Variants in CCP110 observed in about 807,000 individuals in gnomAD.
The protein encoded by CCP110 is centriolar coiled-coil protein of 110 kDa.
A neutral mutation model predicts 105.5 loss-of-function variants in CCP110; 43 were observed. The observed-to-expected ratio is 0.41, with a 90% CI of 0.32 to 0.53. The LOEUF is 0.53. Among genes scored for constraint, CCP110 ranks in the 20% least tolerant of loss-of-function variants. The probability of loss-of-function intolerance (pLI) is 0.32; values close to 1 mark genes in which losing one functional copy is unlikely to be tolerated. For missense variants in CCP110, 1,016 were observed against 1,189.1 expected, an observed-to-expected ratio of 0.85 and a Z score of 2.14; for synonymous variants, 353 against 392.1, an observed-to-expected ratio of 0.90 and a Z score of 1.18.
At chr16:19,527,789 C>A in intron 1 of CCP110, 78 bp from the exon 2 acceptor site, 3 of 1,187,450 alleles carry the variant, frequency 2.5e-6, no homozygotes, top group Non-Finnish European at 3.5e-6. Context: ...GGGACTCTCT[C>A]ATGCTCTACA....
intron 1 of CCP110, 73 bp from the exon 2 acceptor site, chr16:19,527,794 T>C: frequency 8.0e-7 from 1 of 1,250,536 alleles, no homozygotes; most frequent in Non-Finnish European, 1.1e-6. Flanking sequence ...TCTCTCATGC[T>C]CTACAAAATC....
chr16:19,551,309 GCCCAAGACTTTATT>G (rs1567369786), exon 15 of CCP110: 1 of 1,349,274 alleles, frequency 7.4e-7, no homozygotes, highest in Admixed American at 1.7e-5. Flanking sequence ...TATTTTCCCT[GCCCAAGACTTTATT>G]TAACCCTGGA....
intron 5 of CCP110, 106 bp from the exon 6 acceptor site, chr16:19,541,778 AAAT>A (rs1243327393): frequency 3.4e-5 from 18 of 530,806 alleles, no homozygotes; most frequent in South Asian, 1.5e-4. Flanking sequence ...AACTTGAAAT[AAAT>A]AATAATTGCT....
chr16:19,548,197 T>C lies in CCP110; in HGVS notation c.2900+183T>C. 1.6e-6 allele frequency: 1 copy of C among 633,922 alleles called. No homozygotes were observed. Among genetic ancestry groups the C allele is most frequent in the East Asian group, 2.6e-5 (1 of 38,298 alleles). 39.3% of individuals were successfully genotyped at this position (633,922 alleles called of 1,614,324 possible). On this transcript the variant is annotated intron_variant, in intron 13 of 14. Transcript: ENST00000381396. This position sits in a 1 kb window ranked among gnomAD's most constrained non-coding sequence, Gnocchi z 4.1. The stretch of plus-strand genomic sequence containing the variant: ...CAAATGTAACCCTCTTGGTGTACTG[T>C]TGTGTATTCTAATTACTGTCTTAAG...
exon 12 of CCP110, chr16:19,546,432 C>A: frequency 1.3e-6 from 2 of 1,586,374 alleles, no homozygotes; most frequent in Non-Finnish European, 1.7e-6. Context: ...ATGGGAATGC[C>A]AAATAAGAAA....
chr16:19,526,794 C>T (rs1250418843), intron 1 of CCP110: 1 of 151,962 alleles, frequency 6.6e-6, no homozygotes, highest in Non-Finnish European at 1.5e-5. Flanking sequence ...CTTTGCATAT[C>T]CCACATCATG....
At position 19,541,853 on chromosome 16, in the gene CCP110, G is replaced by A. The variant is rs1484571462; in HGVS notation, c.2050-34G>A. The A allele has an allele frequency of 3.0e-6, 4 of 1,321,542 alleles. 1 individual carries two copies. The highest frequency in any genetic ancestry group is 1.5e-5 in the African/African-American group (1 of 67,730). The allele number at this position is 1,321,542 out of a possible 1,614,324, so 81.9% of individuals were successfully genotyped here. Reference sequence around the variant, plus strand: ...TATCATTTTGGGACATAATTAAAAGGTTTAGCATGTTACAATAAACTGTTC... The same window carrying A: ...TATCATTTTGGGACATAATTAAAAGATTTAGCATGTTACAATAAACTGTTC... On this transcript the variant is annotated intron_variant, in intron 5 of 14. Transcript: ENST00000381396.
exon 12 of CCP110, chr16:19,546,471 C>T (rs1303245438): frequency 1.3e-6 from 2 of 1,574,566 alleles, no homozygotes; most frequent in East Asian, 2.2e-5. Flanking sequence ...CCTTCTGAAA[C>T]AAGGTGAGAA....
chr16:19,539,370 ATT>A (rs11307724), intron 4 of CCP110, among the ~76,000 whole-genome samples: 8 of 143,476 alleles, frequency 5.6e-5, no homozygotes, highest in East Asian at 2.0e-4. Flanking sequence ...TTTTTTTTTA[ATT>A]TTTTTTTTTT....
At chr16:19,538,978 G>T (rs745438128) in intron 4 of CCP110, among the ~76,000 whole-genome samples, 1 of 151,840 alleles carries the variant, frequency 6.6e-6, no homozygotes, top group African/African-American at 2.4e-5. Context: ...TGGGCGTAGT[G>T]GTGCACATCT....
intron 2 of CCP110, 95 bp from the exon 3 acceptor site, chr16:19,532,321 T>C: frequency 9.7e-7 from 1 of 1,028,774 alleles, no homozygotes; most frequent in Non-Finnish European, 1.4e-6. Context: ...TAGTTTTGCC[T>C]GTTGCACATG....
rs226891 is a variant in CCP110, at chr16:19,536,425, C to G, written c.756C>G (p.Ile252Met). Reference sequence around the variant, plus strand: ...CTAGACGCAGTCTGAGAGGTAGTATCAACAGAATTGTTAATGAGAGTCATT... The same window carrying G: ...CTAGACGCAGTCTGAGAGGTAGTATGAACAGAATTGTTAATGAGAGTCATT... Residue 252 changes from isoleucine to methionine, a missense_variant, in exon 4 of 15, where the codon ATC (isoleucine) becomes ATG (methionine). By Grantham distance (10) the Ile-to-Met change is conservative. Coordinates refer to ENST00000381396, the Ensembl canonical transcript of CCP110. The G allele has an allele frequency of 0.9, 1,446,527 of 1,613,540 alleles. 651,781 individuals carry two copies. Among genetic ancestry groups the G allele is most frequent in the African/African-American group, 0.95 (71,450 of 75,026 alleles).
intron 2 of CCP110, among the ~76,000 whole-genome samples, chr16:19,529,985 C>A (rs1017824918): frequency 6.6e-6 from 1 of 151,560 alleles, no homozygotes; most frequent in African/African-American, 2.4e-5. Context: ...TTGCTTGATC[C>A]CCAGAGTTTG....
At chr16:19,541,741 G>A (rs369990762) in intron 5 of CCP110, 146 bp from the exon 6 acceptor site, 6 of 333,192 alleles carry the variant, frequency 1.8e-5, no homozygotes, top group Non-Finnish European at 2.7e-5. Flanking sequence ...GAAGGGAGAA[G>A]GAAGGAAGGA....
At chr16:19,533,088 C>T (rs1969930519) in intron 3 of CCP110, among the ~76,000 whole-genome samples, 2 of 152,208 alleles carry the variant, frequency 1.3e-5, no homozygotes, top group Admixed American at 1.3e-4. Flanking sequence ...TTTGTTCTGA[C>T]ATGTGGATCA....
exon 4 of CCP110, chr16:19,537,546 G>T (rs1218152542): frequency 6.3e-7 from 1 of 1,585,258 alleles, no homozygotes; most frequent in Non-Finnish European, 8.5e-7. Context: ...AAGGGATCTG[G>T]CTTCGTTAAC....
At chr16:19,551,163 T>G in intron 14 of CCP110, 33 bp from the exon 14 acceptor site, 36 of 1,370,230 alleles carry the variant, frequency 2.6e-5, no homozygotes, top group Non-Finnish European at 3.7e-5. Context: ...AACCTCCCAT[T>G]GAGAAGTAAT....
intron 2 of CCP110, among the ~76,000 whole-genome samples, 167 bp from the exon 3 acceptor site, chr16:19,532,249 A>G (rs1207209316): frequency 1.3e-5 from 2 of 152,200 alleles, no homozygotes; most frequent in Non-Finnish European, 2.9e-5. Flanking sequence ...CCATGGAAAG[A>G]TCTCTAATGC....
chr16:19,529,591 T>A (rs974007898), intron 2 of CCP110, among the ~76,000 whole-genome samples: 4 of 152,246 alleles, frequency 2.6e-5, no homozygotes, highest in East Asian at 1.9e-4. Flanking sequence ...ATGACATTTT[T>A]AAAAATTGCC....
Sources: gnomAD v4.1 joint callset for allele counts (sites outside exome capture counted in the v4.1 genomes callset) on GRCh38, gnomAD v4.1.1 for gene constraint, Gnocchi (gnomAD v3.1) non-coding constraint, MANE v1.5 for transcripts, NCBI Gene and HGNC (gene_info 2026-07-23, HGNC 2026-07-21) for gene names.